RNPEPL1: variants seen among roughly 807,000 people sequenced by gnomAD.
The protein encoded by RNPEPL1 is arginyl aminopeptidase like 1.
RNPEPL1 carries 46 observed loss-of-function variants against 69.0 expected under a neutral mutation model. The observed-to-expected ratio is 0.67, with a 90% CI of 0.53 to 0.85. The LOEUF is 0.85. Among genes scored for constraint, RNPEPL1 ranks in the 40% least tolerant of loss-of-function variants. The probability of loss-of-function intolerance (pLI) is 0.00; values close to 1 mark genes in which losing one functional copy is unlikely to be tolerated. For synonymous variants in RNPEPL1, 525 were observed against 454.1 expected (o/e 1.16, Z -1.98); for missense variants, 869 against 992.5 (o/e 0.88, Z 1.67).
intron 1 of RNPEPL1, among the ~76,000 whole-genome samples, chr2:240,572,152 C>T (rs911852614): frequency 3.9e-5 from 6 of 152,266 alleles, no homozygotes; most frequent in Admixed American, 6.5e-5. Flanking sequence ...ATGCCCCTAT[C>T]GGCTACCTGA....
In RNPEPL1 at chr2:240,575,531, C is replaced by T. The variant is rs775731878; in HGVS notation, c.1431C>T (p.Ser477=). Reference sequence around the variant, plus strand: ...ATGTGGAGAAGTACAAGTTCACCAGCGTGGTGGCCCAGGACCTGCTGGACT... The same window carrying T: ...ATGTGGAGAAGTACAAGTTCACCAGTGTGGTGGCCCAGGACCTGCTGGACT... ...RAYVEKYKFT[S]VVAQDLLDSF... Residue 477 remains serine (S), a synonymous_variant, in exon 8 of 11, where the codon AGC becomes AGT. Transcript: ENST00000270357. 1.6e-5 allele frequency: 26 copies of T among 1,613,428 alleles called. No homozygotes were observed. The highest frequency in any genetic ancestry group is 3.3e-5 in the South Asian group (3 of 91,088).
At chr2:240,573,618 G>A (rs894092206) in intron 3 of RNPEPL1, among the ~76,000 whole-genome samples, 157 bp from the exon 4 acceptor site, 2 of 152,256 alleles carry the variant, frequency 1.3e-5, no homozygotes, top group East Asian at 3.8e-4. Context: ...CAGGGTGGCT[G>A]CCCATCCAGT....
In RNPEPL1 at chr2:240,574,405, C is replaced by T. The variant is rs1160697316; in HGVS notation, c.1174+57C>T. On this transcript the variant is annotated intron_variant, in intron 5 of 10. Coordinates refer to ENST00000270357, the MANE Select transcript of RNPEPL1 (RefSeq NM_018226.6). ...GGGGCCCTGGGCACTGGTCCAGGGG[C>T]AGAGAGCCTAGCCTGGCCCCCCTGC... The T allele has an allele frequency of 5.8e-6, 9 of 1,565,054 alleles. No homozygotes were observed. In the East Asian group the frequency reaches 6.9e-5, roughly 12 times the overall value.
Position 240,577,716 on chromosome 2 carries a change from G to C in RNPEPL1, c.2002G>C (p.Ala668Pro). 1 of 1,612,666 alleles carries C rather than the reference G, an allele frequency of 6.2e-7. No individual in the cohort carries two copies. Among genetic ancestry groups the C allele is most frequent in the Non-Finnish European group, 8.5e-7 (1 of 1,179,730 alleles). The part of the protein sequence containing the change: ...QGRLHPNLRR[A>P]IQQILSQGLG... ...CCGGCTGCACCCCAACCTGCGCAGA[G>C]CCATCCAGCAGATCCTGTCCCAGGG... Residue 668 changes from alanine (A) to proline (P), a missense_variant, in exon 11 of 11, where the codon GCC becomes CCC. Ala to Pro is a conservative substitution (Grantham distance 27). Transcript: ENST00000270357.
chr2:240,577,523 C>T (rs2093041087), intron 10 of RNPEPL1, 76 bp from the exon 11 acceptor site: 2 of 1,475,276 alleles, frequency 1.4e-6, no homozygotes, highest in Admixed American at 2.2e-5. Context: ...GGAGGGCCGC[C>T]TGGCCGGGCT....
chr2:240,572,588 C>T (rs1382670541), intron 2 of RNPEPL1, 25 bp downstream of exon 2: 4 of 1,535,674 alleles, frequency 2.6e-6, no homozygotes, highest in South Asian at 1.2e-5. Context: ...GCTGCCGTCA[C>T]CTTGCTCCCA....
chr2:240,580,125 C>T lies in RNPEPL1; in HGVS notation c.*2233C>T, dbSNP rs1440948597. 1 of 152,308 alleles carries T rather than the reference C, an allele frequency of 6.6e-6. No homozygotes were observed. Among genetic ancestry groups the T allele is most frequent in the African/African-American group, 2.4e-5 (1 of 41,468 alleles). The allele number at this position is 152,308 out of a possible 1,614,324, so 9.4% of individuals were successfully genotyped here. Reference sequence around the variant, plus strand: ...CAGGAGGGCTCTTTCAGCCCTAAGTCCTTGTGTTCCTGACCTTTGTTCCTC... The same window carrying T: ...CAGGAGGGCTCTTTCAGCCCTAAGTTCTTGTGTTCCTGACCTTTGTTCCTC... On this transcript the variant is annotated 3_prime_UTR_variant, in exon 11 of 11. Transcript: ENST00000270357.
At chr2:240,576,165 G>A (rs1161483457) in intron 8 of RNPEPL1, 1 of 333,778 alleles carries the variant, frequency 3.0e-6, no homozygotes. Context: ...TTAAGAGCAG[G>A]AATATCATCT....
At chr2:240,573,715 T>C in intron 3 of RNPEPL1, 60 bp from the exon 4 acceptor site, 1 of 1,383,652 alleles carries the variant, frequency 7.2e-7, no homozygotes, top group Non-Finnish European at 9.7e-7. Flanking sequence ...TGGGAGAGCC[T>C]GGTGGGGTGA....
In RNPEPL1 at chr2:240,579,540, G is replaced by A. The variant is rs563329290; in HGVS notation, c.*1648G>A. 4 of 152,370 alleles carry A rather than the reference G, an allele frequency of 2.6e-5. No individual in the cohort carries two copies. Among genetic ancestry groups the A allele is most frequent in the East Asian group, 1.9e-4 (1 of 5,180 alleles). The allele number at this position is 152,370 out of a possible 1,614,324, so 9.4% of individuals were successfully genotyped here. Reference sequence around the variant, plus strand: ...CCACTGCCCCTCACACCCAGGGATAGGATGACTGCAGTAACCCCTGTGAAA... The same window carrying A: ...CCACTGCCCCTCACACCCAGGGATAAGATGACTGCAGTAACCCCTGTGAAA... On this transcript the variant is annotated 3_prime_UTR_variant, in exon 11 of 11. Transcript: ENST00000270357.
rs748599229 is a variant in RNPEPL1, at chr2:240,576,727, T to C, written c.1703T>C (p.Phe568Ser). The C allele has an allele frequency of 6.2e-7, 1 of 1,612,928 alleles. No homozygotes were observed. The highest frequency in any genetic ancestry group is 8.5e-7 in the Non-Finnish European group (1 of 1,179,938). Reference protein sequence around the residue: ...SKWRTFQTALFLDRLLDGSPL... With the variant: ...SKWRTFQTALSLDRLLDGSPL... The stretch of plus-strand genomic sequence containing the variant: ...TGGAGGACCTTCCAGACAGCACTCT[T>C]CCTGGACCGGCTCCTGGATGGGTCC... The change falls in exon 9 of 11, where the codon TTC becomes TCC. Residue 568 changes from phenylalanine to serine, a missense_variant. By Grantham distance (155) the Phe-to-Ser change is radical. Coordinates refer to ENST00000270357, the MANE Select transcript of RNPEPL1 (RefSeq NM_018226.6).
rs1351526193 is a variant in RNPEPL1, at chr2:240,575,171, TGCTGCCATCTGCCCCCAGCCCC to T, written c.1401+30_1401+51del. 6 of 1,549,116 alleles carry T rather than the reference TGCTGCCATCTGCCCCCAGCCCC, an allele frequency of 3.9e-6. 1 individual carries two copies. The Middle Eastern group carries it at 6.7e-4, about 174-fold the overall frequency. On this transcript the variant is annotated intron_variant, in intron 7 of 10. Coordinates refer to ENST00000270357, the MANE Select transcript of RNPEPL1 (RefSeq NM_018226.6). ...AGCAGCCCCCTGCCCGGGACGGCCC[TGCTGCCATCTGCCCCCAGCCCC>T]TCCCCGGCTCACAGGGCTGCCTGCT...
In RNPEPL1 at chr2:240,576,928, A is replaced by G. The variant is rs2093039469; in HGVS notation, c.1822A>G (p.Ile608Val). The G allele has an allele frequency of 1.2e-6, 2 of 1,613,420 alleles. No homozygotes were observed. Among genetic ancestry groups the G allele is most frequent in the African/African-American group, 2.7e-5 (2 of 75,030 alleles). ...NAEIRIRWLQ[I>V]VVRNDYYPDL... Reference sequence around the variant, plus strand: ...TGAGATCCGCATCCGCTGGCTGCAGATTGTGGTCCGCAACGACTACTATCC... The same window carrying G: ...TGAGATCCGCATCCGCTGGCTGCAGGTTGTGGTCCGCAACGACTACTATCC... Residue 608 changes from isoleucine to valine, a missense_variant, in exon 10 of 11, where the codon ATT (isoleucine) becomes GTT (valine). Ile to Val is a conservative substitution (Grantham distance 29, BLOSUM62 3). Around this residue, in one of 2 missense-constraint regions of RNPEPL1, gnomAD observed 610 missense variants for 790.9 expected, o/e 0.77. Transcript: ENST00000270357.
Position 240,578,060 on chromosome 2 carries a change from T to C in RNPEPL1, c.*168T>C. ...GAGAATGGGGAGAGGGACCTCCTTG[T>C]GTCTGGCAGAGACCTGTGGACCTGG... is the stretch of plus-strand genomic sequence containing the variant. On this transcript the variant is annotated 3_prime_UTR_variant, in exon 11 of 11. Coordinates refer to ENST00000270357, the MANE Select transcript of RNPEPL1 (RefSeq NM_018226.6). 2 of 612,208 alleles carry C rather than the reference T, an allele frequency of 3.3e-6. No individual in the cohort carries two copies. The highest frequency in any genetic ancestry group is 5.1e-6 in the Non-Finnish European group (2 of 388,932). 37.9% of individuals were successfully genotyped at this position (612,208 alleles called of 1,614,324 possible).
intron 8 of RNPEPL1, chr2:240,575,911 G>T: frequency 2.3e-6 from 1 of 438,650 alleles, no homozygotes; most frequent in Non-Finnish European, 4.2e-6. Flanking sequence ...CGGGTGACGG[G>T]GGTGTCCTGG....
chr2:240,575,521 A>G lies in RNPEPL1; in HGVS notation c.1421A>G (p.Lys474Arg), dbSNP rs367900489. The change falls in exon 8 of 11, where the codon AAG (lysine) becomes AGG (arginine). Residue 474 changes from lysine (K) to arginine (R), a missense_variant. Transcript: ENST00000270357. ...DFLRAYVEKY[K>R]FTSVVAQDLL... ...ACACAGGCCTATGTGGAGAAGTACA[A>G]GTTCACCAGCGTGGTGGCCCAGGAC... The G allele has an allele frequency of 6.2e-6, 10 of 1,613,396 alleles. No individual in the cohort carries two copies. The highest frequency in any genetic ancestry group is 1.7e-5 in the Admixed American group (1 of 60,010).
At chr2:240,576,450 C>A in intron 8 of RNPEPL1, 85 bp from the exon 9 acceptor site, 2 of 1,311,268 alleles carry the variant, frequency 1.5e-6, no homozygotes, top group Non-Finnish European at 2.1e-6. Context: ...GGAACACACT[C>A]AGGGTCTGGG....
chr2:240,573,713 C>G (rs2093029242), intron 3 of RNPEPL1, 62 bp from the exon 4 acceptor site: 2 of 1,365,728 alleles, frequency 1.5e-6, no homozygotes, highest in Non-Finnish European at 2.0e-6. Flanking sequence ...AGTGGGAGAG[C>G]CTGGTGGGGT....
Position 240,574,158 on chromosome 2 carries a change from G to A in RNPEPL1, c.984G>A (p.Met328Ile). ...FLPPSFPIVA[M>I]ENPCLTFIIS... ...CACCCTCCTTCCCCATCGTGGCCAT[G>A]GAGAACCCCTGCCTCACCTTCATCA... Residue 328 changes from methionine to isoleucine, a missense_variant, in exon 5 of 11, where the codon ATG becomes ATA. Physicochemically the swap from Met to Ile is conservative, Grantham distance 10. This residue lies in a region of RNPEPL1 where 610 missense variants were observed against 790.9 expected (regional missense o/e 0.77). Transcript: ENST00000270357. 6.2e-7 allele frequency: 1 copy of A among 1,613,442 alleles called. No individual in the cohort carries two copies. Among genetic ancestry groups the A allele is most frequent in the Non-Finnish European group, 8.5e-7 (1 of 1,179,918 alleles).
Sources: allele counts gnomAD v4.1 joint callset (sites outside exome capture counted in the v4.1 genomes callset), GRCh38; gene constraint gnomAD v4.1.1; regional missense constraint gnomAD v4.1.1; transcripts MANE v1.5; gene names NCBI Gene and HGNC (gene_info 2026-07-23, HGNC 2026-07-21).